PTPRD: variants seen among roughly 807,000 people sequenced by gnomAD.
PTPRD encodes protein tyrosine phosphatase receptor type D, also known as receptor-type tyrosine-protein phosphatase delta.
In PTPRD, 34 loss-of-function variants were observed where a neutral mutation model predicts 214.5. The observed-to-expected ratio is 0.16, with a 90% CI of 0.12 to 0.21. The LOEUF (loss-of-function observed/expected upper bound fraction) is 0.21, where lower values mean the gene tolerates loss of function less well. Among genes scored for constraint, PTPRD ranks in the 10% least tolerant of loss-of-function variants. The pLI, the probability that PTPRD is intolerant of heterozygous loss-of-function variation, is 1.00. For synonymous variants in PTPRD, 1,128 were observed against 845.7 expected, an observed-to-expected ratio of 1.33 and a Z score of -5.79; for missense variants, 2,545 against 2,398.7, an observed-to-expected ratio of 1.06 and a Z score of -1.27.
intron 35 of PTPRD, among the ~76,000 whole-genome samples, chr9:8,415,636 G>A (rs1295413897): frequency 6.6e-6 from 1 of 151,954 alleles, no homozygotes; most frequent in Non-Finnish European, 1.5e-5. Context: ...AATCTAAACA[G>A]TAAAACATAA....
chr9:9,449,570 G>GTCCT (rs939214344), intron 8 of PTPRD, among the ~76,000 whole-genome samples: 5 of 151,914 alleles, frequency 3.3e-5, no homozygotes, highest in African/African-American at 1.2e-4. Flanking sequence ...GTTCATTTGA[G>GTCCT]TCCTCCAGCA....
intron 3 of PTPRD, among the ~76,000 whole-genome samples, chr9:10,099,885 T>C (rs1361178451): frequency 6.6e-6 from 1 of 151,748 alleles, no homozygotes; most frequent in Non-Finnish European, 1.5e-5. Context: ...AAAAATGGTA[T>C]CACAACTAAA....
intron 3 of PTPRD, among the ~76,000 whole-genome samples, chr9:10,090,440 A>T (rs2098415486): frequency 1.3e-5 from 2 of 151,448 alleles, no homozygotes; most frequent in African/African-American, 4.8e-5. Flanking sequence ...TTAAAGGGCA[A>T]AATCTGCAAT....
intron 3 of PTPRD, among the ~76,000 whole-genome samples, chr9:10,088,207 C>A (rs940686962): frequency 1.3e-5 from 2 of 151,736 alleles, no homozygotes; most frequent in Non-Finnish European, 2.9e-5. Flanking sequence ...ATCTTCATGA[C>A]AATCCACAAA....
intron 4 of PTPRD, among the ~76,000 whole-genome samples, chr9:10,014,402 T>C (rs949625887): frequency 6.6e-6 from 1 of 152,032 alleles, no homozygotes; most frequent in Non-Finnish European, 1.5e-5. Flanking sequence ...AGACTGTTAA[T>C]TGCATATATA....
At chr9:9,203,622 C>T (rs1193213256) in intron 9 of PTPRD, among the ~76,000 whole-genome samples, 3 of 152,072 alleles carry the variant, frequency 2.0e-5, no homozygotes, top group Non-Finnish European at 4.4e-5. Flanking sequence ...TTCCTATTCC[C>T]AAGATTTTCC....
intron 10 of PTPRD, among the ~76,000 whole-genome samples, chr9:9,049,653 G>C (rs968775539): frequency 1.3e-5 from 2 of 152,114 alleles, no homozygotes; most frequent in African/African-American, 4.8e-5. Flanking sequence ...TTGAATAGCA[G>C]TGTAGAGGTT....
chr9:10,370,238 C>A (rs2097583947), intron 2 of PTPRD, among the ~76,000 whole-genome samples: 1 of 152,014 alleles, frequency 6.6e-6, no homozygotes, highest in African/African-American at 2.4e-5. Flanking sequence ...TTATCTTTTT[C>A]TTCTCATTAA....
At chr9:10,413,037 C>T (rs1357200897) in intron 2 of PTPRD, among the ~76,000 whole-genome samples, 1 of 151,860 alleles carries the variant, frequency 6.6e-6, no homozygotes, top group Non-Finnish European at 1.5e-5. Context: ...AAAGCTTTCC[C>T]CTTGAAAACC....
At chr9:8,386,002 G>C (rs1446126233) in intron 37 of PTPRD, among the ~76,000 whole-genome samples, 1 of 152,136 alleles carries the variant, frequency 6.6e-6, no homozygotes, top group Non-Finnish European at 1.5e-5. Flanking sequence ...TTATTTGGAG[G>C]CTATCTTTTG....
chr9:9,032,191 G>T (rs2099607740), intron 10 of PTPRD, among the ~76,000 whole-genome samples: 1 of 151,870 alleles, frequency 6.6e-6, no homozygotes, highest in African/African-American at 2.4e-5. Context: ...GCTCAACAAA[G>T]CCCCTAAAAA....
chr9:9,688,643 C>G (rs984640224), intron 7 of PTPRD, among the ~76,000 whole-genome samples: 1 of 151,850 alleles, frequency 6.6e-6, no homozygotes, highest in Non-Finnish European at 1.5e-5. Flanking sequence ...ATATGAACTG[C>G]TGGTCAACAG....
chr9:10,319,861 G>C (rs1312998175), intron 3 of PTPRD, among the ~76,000 whole-genome samples: 2 of 151,994 alleles, frequency 1.3e-5, no homozygotes, highest in Admixed American at 1.3e-4. Flanking sequence ...ATGCTTGGTA[G>C]TAACATGTTT....
intron 11 of PTPRD, among the ~76,000 whole-genome samples, chr9:8,884,564 T>C (rs2154224278): frequency 6.6e-6 from 1 of 152,258 alleles, no homozygotes; most frequent in African/African-American, 2.4e-5. Flanking sequence ...CAAAAGGCAC[T>C]ATGGAGCCAG....
rs2099573873 is a variant in PTPRD at position 9,022,671 on chromosome 9, T to C, written c.-142-3936A>G. ...GAACGTATTCTTGTTAAGTGATGCA[T>C]GACTGTATAGAGCTTTGCTAAGATT... On this transcript the variant is annotated intron_variant, in intron 10 of 45. Transcript: ENST00000381196. Among the ~76,000 whole-genome samples, 2 of 152,168 alleles carry C rather than the reference T, an allele frequency of 1.3e-5. 1 individual carries two copies. Among genetic ancestry groups the C allele is most frequent in the Admixed American group, 1.3e-4 (2 of 15,260 alleles).
At chr9:10,074,064 T>C (rs1362817674) in intron 3 of PTPRD, among the ~76,000 whole-genome samples, 3 of 152,104 alleles carry the variant, frequency 2.0e-5, no homozygotes, top group South Asian at 2.1e-4. Flanking sequence ...AACATTACCT[T>C]GTGTAAGCTG....
At chr9:9,587,704 C>A (rs1486909533) in intron 7 of PTPRD, among the ~76,000 whole-genome samples, 3 of 151,862 alleles carry the variant, frequency 2.0e-5, no homozygotes, top group Non-Finnish European at 2.9e-5. Flanking sequence ...TGCTGCTGTT[C>A]TGGGGATCTG....
rs961958756 is a variant in PTPRD at position 9,869,707 on chromosome 9, C to T, written c.-368+68800G>A. ...TGGTTTAAATGTCATCAAGAGCAAG[C>T]CTGCAGGAAAATCTAGAATGTGGAA... is the stretch of plus-strand genomic sequence containing the variant. On this transcript the variant is annotated intron_variant, in intron 5 of 45. Coordinates refer to ENST00000381196, the MANE Select transcript of PTPRD (RefSeq NM_002839.4). Among the ~76,000 whole-genome samples, 4 of 151,420 alleles carry T rather than the reference C, an allele frequency of 2.6e-5. No homozygotes were observed. The East Asian group carries it at 5.8e-4, about 22-fold the overall frequency.
chr9:10,082,303 G>A (rs779444296), intron 3 of PTPRD, among the ~76,000 whole-genome samples: 6 of 152,114 alleles, frequency 3.9e-5, no homozygotes, highest in Non-Finnish European at 8.8e-5. Context: ...CTTATCAAAT[G>A]AATTGACACA....
Sources: allele counts gnomAD v4.1 joint callset (sites outside exome capture counted in the v4.1 genomes callset), GRCh38; gene constraint gnomAD v4.1.1; transcripts MANE v1.5; gene names NCBI Gene and HGNC (gene_info 2026-07-23, HGNC 2026-07-21).